Variants in SETBP1 observed in about 807,000 individuals in gnomAD.
SETBP1 encodes the protein SET binding protein 1.
SETBP1 carries 9 observed loss-of-function variants against 101.0 expected under a neutral mutation model. The ratio of observed to expected loss-of-function variants is 0.09; its 90% CI spans 0.05 to 0.16. The LOEUF is 0.16. Ranked by LOEUF, SETBP1 falls within the 10% of genes least tolerant of loss-of-function variation. The probability of loss-of-function intolerance (pLI) is 1.00; values close to 1 mark genes in which losing one functional copy is unlikely to be tolerated. For missense variants in SETBP1, 1,858 were observed against 2,033.8 expected, an observed-to-expected ratio of 0.91 and a Z score of 1.66; for synonymous variants, 818 against 788.5, an observed-to-expected ratio of 1.04 and a Z score of -0.63.
chr18:44,796,889 A>C (rs895255034), intron 2 of SETBP1, among the ~76,000 whole-genome samples: 1 of 152,202 alleles, frequency 6.6e-6, no homozygotes, highest in African/African-American at 2.4e-5. Context: ...CTACTGTAGC[A>C]AAATAATAAT....
intron 2 of SETBP1, among the ~76,000 whole-genome samples, chr18:44,774,838 T>G (rs1405647434): frequency 6.6e-6 from 1 of 152,072 alleles, no homozygotes; most frequent in Non-Finnish European, 1.5e-5. Flanking sequence ...CCTCTCAATT[T>G]GAGTGAGTTA....
At chr18:45,055,469 A>T (rs1369210076) in intron 5 of SETBP1, among the ~76,000 whole-genome samples, 1 of 152,340 alleles carries the variant, frequency 6.6e-6, no homozygotes, top group Middle Eastern at 3.4e-3. Context: ...TTTTGTTGCT[A>T]TCAAAATGTT....
At chr18:44,831,373 T>G (rs533962218) in intron 2 of SETBP1, among the ~76,000 whole-genome samples, 37 of 152,340 alleles carry the variant, frequency 2.4e-4, no homozygotes, top group African/African-American at 8.7e-4. Context: ...CAAAGGTCCA[T>G]CTCTTCCATG....
At chr18:44,804,912 C>T (rs1030046942) in intron 2 of SETBP1, among the ~76,000 whole-genome samples, 2 of 152,112 alleles carry the variant, frequency 1.3e-5, no homozygotes, top group African/African-American at 4.8e-5. Context: ...CTCCTCCAGG[C>T]CATGTCACCT....
At chr18:44,700,752 A>G (rs1316384081) in intron 1 of SETBP1, among the ~76,000 whole-genome samples, 1 of 152,154 alleles carries the variant, frequency 6.6e-6, no homozygotes, top group Non-Finnish European at 1.5e-5. Flanking sequence ...TGTTCTTCAC[A>G]TGTGACAGAG....
At chr18:44,685,115 C>T (rs1598987384) in intron 1 of SETBP1, among the ~76,000 whole-genome samples, 1 of 152,230 alleles carries the variant, frequency 6.6e-6, no homozygotes, top group East Asian at 1.9e-4. Context: ...GGTTAATGAT[C>T]AGCAGACCCA....
At chr18:45,043,836 T>C (rs1324325121) in intron 5 of SETBP1, among the ~76,000 whole-genome samples, 1 of 152,178 alleles carries the variant, frequency 6.6e-6, no homozygotes, top group African/African-American at 2.4e-5. Context: ...TTCTTAATAC[T>C]ATGAAATCAG....
chr18:44,926,354 C>G lies in SETBP1; in HGVS notation c.541-23527C>G, dbSNP rs146500232. ...CTGGGAGAAAAAAGGCCTAATACATCTAAAGCTTCCATAAGGCCACAGAAG... is the reference window on the plus strand; with the variant it reads ...CTGGGAGAAAAAAGGCCTAATACATGTAAAGCTTCCATAAGGCCACAGAAG... On this transcript the variant is annotated intron_variant, in intron 3 of 5. Coordinates refer to ENST00000649279, the MANE Select transcript of SETBP1 (RefSeq NM_015559.3). Among the ~76,000 whole-genome samples the G allele has an allele frequency of 7.9e-4, 121 of 152,306 alleles. No homozygotes were observed. The East Asian group carries it at 0.023, about 29-fold the overall frequency.
At chr18:44,738,586 C>A (rs1327009595) in intron 2 of SETBP1, among the ~76,000 whole-genome samples, 1 of 151,988 alleles carries the variant, frequency 6.6e-6, no homozygotes. Context: ...CCAGCCTGCC[C>A]AACATGGTGA....
chr18:44,975,438 T>G (rs1006065260), intron 4 of SETBP1, among the ~76,000 whole-genome samples: 4 of 152,182 alleles, frequency 2.6e-5, no homozygotes, highest in Non-Finnish European at 4.4e-5. Context: ...ATTCCATCAT[T>G]TAATAAGTGT....
At chr18:44,816,596 G>A (rs764939472) in intron 2 of SETBP1, among the ~76,000 whole-genome samples, 18 of 152,162 alleles carry the variant, frequency 1.2e-4, no homozygotes, top group Admixed American at 1.3e-4. Context: ...GTGCACACCA[G>A]AGCATCAGCA....
intron 5 of SETBP1, among the ~76,000 whole-genome samples, chr18:45,049,047 G>A (rs752849056): frequency 4.0e-5 from 6 of 148,614 alleles, no homozygotes; most frequent in Admixed American, 1.3e-4. Context: ...TTAACACTAC[G>A]TGGGAAGGCC....
intron 2 of SETBP1, among the ~76,000 whole-genome samples, chr18:44,723,492 G>A (rs938926484): frequency 3.3e-5 from 5 of 152,160 alleles, no homozygotes; most frequent in African/African-American, 9.7e-5. Flanking sequence ...GGCAATCAGC[G>A]ACAGTCGGCG....
chr18:44,937,617 C>T (rs913755610), intron 3 of SETBP1, among the ~76,000 whole-genome samples: 2 of 152,180 alleles, frequency 1.3e-5, no homozygotes, highest in African/African-American at 4.8e-5. Context: ...AGCCTTTCAG[C>T]TACTCCTTAG....
chr18:44,922,131 T>C (rs1303589193), intron 3 of SETBP1, among the ~76,000 whole-genome samples: 2 of 152,196 alleles, frequency 1.3e-5, no homozygotes, highest in African/African-American at 4.8e-5. Context: ...CTTGAAGTGG[T>C]TTCCTTATTC....
intron 2 of SETBP1, among the ~76,000 whole-genome samples, chr18:44,806,640 T>C (rs1423013835): frequency 1.9e-4 from 23 of 123,694 alleles, no homozygotes; most frequent in African/African-American, 7.6e-4. Flanking sequence ...TTTTTTTTTT[T>C]TTTTTTTTTT....
At chr18:44,777,153 C>CA (rs892697169) in intron 2 of SETBP1, among the ~76,000 whole-genome samples, 13 of 151,898 alleles carry the variant, frequency 8.6e-5, no homozygotes, top group Admixed American at 8.5e-4. Flanking sequence ...CCCGTGTCTA[C>CA]AAAAAATTAA....
chr18:44,915,397 A>G (rs1358352618), intron 3 of SETBP1, among the ~76,000 whole-genome samples: 1 of 152,254 alleles, frequency 6.6e-6, no homozygotes, highest in African/African-American at 2.4e-5. Flanking sequence ...CAGTGAGTCA[A>G]TTAATAAGTA....
Position 44,952,308 on chromosome 18 carries a change from T to A in SETBP1, c.2968T>A (p.Phe990Ile), listed in dbSNP as rs780110453. 6.2e-7 allele frequency: 1 copy of A among 1,614,156 alleles called. No homozygotes were observed. The highest frequency in any genetic ancestry group is 1.1e-5 in the South Asian group (1 of 91,074). ...ATATCCCAGCATTTTTCGGATTAAT[T>A]TTGATCACTATTACCCGGTGCCATA... ...NPYPSIFRIN[F>I]DHYYPVPYIQ... The change falls in exon 4 of 6, where the codon TTT becomes ATT. Residue 990 changes from phenylalanine to isoleucine, a missense_variant. Physicochemically the swap from Phe to Ile is conservative, Grantham distance 21. Around this residue, in one of 12 missense-constraint regions of SETBP1, gnomAD observed 255 missense variants for 300.1 expected, o/e 0.85. Transcript: ENST00000649279.
Sources: allele counts gnomAD v4.1 joint callset (sites outside exome capture counted in the v4.1 genomes callset), GRCh38; gene constraint gnomAD v4.1.1; regional missense constraint gnomAD v4.1.1; transcripts MANE v1.5; gene names NCBI Gene and HGNC (gene_info 2026-07-23, HGNC 2026-07-21).